SCNN1G: variants seen among roughly 807,000 people sequenced by gnomAD.
SCNN1G encodes the protein sodium channel epithelial 1 subunit gamma, also known as epithelial sodium channel subunit gamma.
A neutral mutation model predicts 64.6 loss-of-function variants in SCNN1G; 27 were observed. That is an observed-to-expected ratio of 0.42 (90% CI 0.31 to 0.58). SCNN1G has a LOEUF of 0.58. Among genes scored for constraint, SCNN1G ranks in the 20% least tolerant of loss-of-function variants. The pLI, the probability that SCNN1G is intolerant of heterozygous loss-of-function variation, is 0.18. For synonymous variants in SCNN1G, 330 were observed against 314.2 expected, an observed-to-expected ratio of 1.05 and a Z score of -0.53; for missense variants, 743 against 823.4, an observed-to-expected ratio of 0.90 and a Z score of 1.19.
intron 6 of SCNN1G, among the ~76,000 whole-genome samples, chr16:23,204,334 TAGAGAG>T (rs755322105): frequency 0.015 from 223 of 15,154 alleles, 4 homozygotes; most frequent in Non-Finnish European, 0.018. Context: ...TATATATATA[TAGAGAG>T]AGAGAGAGAG....
At chr16:23,207,229 C>A (rs1320499712) in intron 6 of SCNN1G, among the ~76,000 whole-genome samples, 1 of 152,204 alleles carries the variant, frequency 6.6e-6, no homozygotes, top group Non-Finnish European at 1.5e-5. Context: ...CCCCTGCTGG[C>A]TGCACTCGGC....
At chr16:23,203,883 G>A (rs914723421) in intron 6 of SCNN1G, among the ~76,000 whole-genome samples, 9 of 151,278 alleles carry the variant, frequency 5.9e-5, no homozygotes, top group Admixed American at 2.6e-4. Context: ...CTGTAAAATA[G>A]GGATGATAAT....
intron 4 of SCNN1G, among the ~76,000 whole-genome samples, chr16:23,192,881 T>C (rs111900505): frequency 0.059 from 8,910 of 151,270 alleles, 347 homozygotes; most frequent in Non-Finnish European, 0.074. Flanking sequence ...CCAGCCTGGC[T>C]AACATAGCGA....
intron 4 of SCNN1G, 135 bp from the exon 5 acceptor site, chr16:23,194,036 G>A (rs1337675002): frequency 7.0e-6 from 5 of 717,024 alleles, no homozygotes; most frequent in Admixed American, 6.0e-5. Flanking sequence ...TTGATCAGGA[G>A]CAAGATGGGG....
chr16:23,192,129 T>A (rs1959718750), intron 3 of SCNN1G, among the ~76,000 whole-genome samples: 1 of 152,086 alleles, frequency 6.6e-6, no homozygotes, highest in Non-Finnish European at 1.5e-5. Context: ...GTTGCAGGAG[T>A]AGGACTCTGT....
chr16:23,204,324 TATATATATATAGAGAG>T (rs1353848768), intron 6 of SCNN1G, among the ~76,000 whole-genome samples: 9 of 67,518 alleles, frequency 1.3e-4, no homozygotes, highest in East Asian at 4.5e-4. Context: ...TATATATATA[TATATATATATAGAGAG>T]AGAGAGAGAG....
chr16:23,187,286 T>C (rs559529551), intron 2 of SCNN1G, among the ~76,000 whole-genome samples: 1 of 151,998 alleles, frequency 6.6e-6, no homozygotes, highest in Non-Finnish European at 1.5e-5. Context: ...AATTTTTTAT[T>C]TTTTAAGAGA....
At chr16:23,196,117 G>A (rs1959790809) in intron 5 of SCNN1G, 1 of 152,288 alleles carries the variant, frequency 6.6e-6, no homozygotes, top group South Asian at 2.1e-4. Flanking sequence ...GGAAGAAAGA[G>A]GCAGAGTAGG....
rs1959565623 is a variant in SCNN1G at position 23,184,073 on chromosome 16, A to G, written c.-45+1260A>G. Reference sequence around the variant, plus strand: ...GTAATTCTTCCACCAAGGGTATCACATTGGCTCAGGCTGCATAATCTAATG... The same window carrying G: ...GTAATTCTTCCACCAAGGGTATCACGTTGGCTCAGGCTGCATAATCTAATG... On this transcript the variant is annotated intron_variant, in intron 1 of 12. Coordinates refer to ENST00000300061, the MANE Select transcript of SCNN1G (RefSeq NM_001039.4). 2.6e-5 allele frequency among the ~76,000 whole-genome samples: 4 copies of G among 152,372 alleles called. No individual in the cohort carries two copies. The South Asian group carries it at 6.2e-4, about 24-fold the overall frequency.
chr16:23,197,366 T>G lies in SCNN1G; in HGVS notation c.1016T>G (p.Phe339Cys), dbSNP rs957875115. The part of the protein sequence containing the change: ...VIIHRQDEYP[F>C]VEDVGTEIET... The stretch of plus-strand genomic sequence containing the variant: ...ATCCATCGGCAGGATGAGTATCCCT[T>G]CGTCGAAGATGTGGGAACAGAGATT... The change falls in exon 6 of 13, where the codon TTC becomes TGC. Residue 339 changes from phenylalanine to cysteine, a missense_variant. Phe to Cys is a radical substitution (Grantham distance 205, BLOSUM62 -2). Coordinates refer to ENST00000300061, the MANE Select transcript of SCNN1G (RefSeq NM_001039.4). 6.2e-7 allele frequency: 1 copy of G among 1,614,112 alleles called. No individual in the cohort carries two copies. The highest frequency in any genetic ancestry group is 8.5e-7 in the Non-Finnish European group (1 of 1,179,948).
chr16:23,190,384 G>A (rs1426960311), intron 3 of SCNN1G, among the ~76,000 whole-genome samples: 1 of 151,190 alleles, frequency 6.6e-6, no homozygotes, highest in Non-Finnish European at 1.5e-5. Flanking sequence ...GGGCAGAGTG[G>A]GGGTAAATGT....
chr16:23,206,622 G>A (rs541992489), intron 6 of SCNN1G, among the ~76,000 whole-genome samples: 2 of 152,142 alleles, frequency 1.3e-5, no homozygotes, highest in Non-Finnish European at 2.9e-5. Flanking sequence ...CTCAGAGAGA[G>A]AGGGTGGTGA....
rs2141946672 is a variant in SCNN1G at position 23,215,287 on chromosome 16, G to A, written c.1768G>A (p.Gly590Ser). 4 of 1,614,142 alleles carry A rather than the reference G, an allele frequency of 2.5e-6. No homozygotes were observed. Among genetic ancestry groups the A allele is most frequent in the East Asian group, 2.2e-5 (1 of 44,888 alleles). ...TCCAGAAGCTCCCCGTAGCCCACAG[G>A]GCCAGGACAATCCAGCCCTGGATAT... ...PCPEAPRSPQ[G>S]QDNPALDIDD... Residue 590 changes from glycine to serine, a missense_variant, in exon 13 of 13, where the codon GGC becomes AGC. Transcript: ENST00000300061.
At chr16:23,202,521 G>A (rs1230545935) in intron 6 of SCNN1G, among the ~76,000 whole-genome samples, 1 of 152,118 alleles carries the variant, frequency 6.6e-6, no homozygotes, top group Non-Finnish European at 1.5e-5. Context: ...CAATTACAGA[G>A]GAGTCACAAA....
At chr16:23,183,333 G>A (rs951040770) in intron 1 of SCNN1G, among the ~76,000 whole-genome samples, 1 of 152,254 alleles carries the variant, frequency 6.6e-6, no homozygotes, top group South Asian at 2.1e-4. Flanking sequence ...GCAGGGCTGC[G>A]GGGTCGCTCG....
intron 6 of SCNN1G, among the ~76,000 whole-genome samples, chr16:23,200,982 G>A (rs1345642277): frequency 6.6e-6 from 1 of 152,200 alleles, no homozygotes; most frequent in East Asian, 1.9e-4. Flanking sequence ...TTACTTAGGG[G>A]CTTTGTTCCA....
intron 3 of SCNN1G, 110 bp from the exon 4 acceptor site, chr16:23,192,242 C>G (rs1168449593): frequency 1.1e-6 from 1 of 905,390 alleles, no homozygotes; most frequent in East Asian, 2.4e-5. Context: ...GATATCCAAC[C>G]TGTTCCCCTG....
At position 23,215,771 on chromosome 16, in the gene SCNN1G, G is replaced by A; in HGVS notation, c.*302G>A. On this transcript the variant is annotated 3_prime_UTR_variant, in exon 13 of 13. Transcript: ENST00000300061. ...GTGGTGCTGGCCCAAGTGAAGGCCAGAGTGAGGACTGATGCAGCTCTTTAC... is the reference window on the plus strand; with the variant it reads ...GTGGTGCTGGCCCAAGTGAAGGCCAAAGTGAGGACTGATGCAGCTCTTTAC... 8.3e-6 allele frequency: 4 copies of A among 484,222 alleles called. No individual in the cohort carries two copies. The highest frequency in any genetic ancestry group is 1.5e-5 in the Non-Finnish European group (4 of 263,984). The allele number at this position is 484,222 out of a possible 1,614,324, so 30.0% of individuals were successfully genotyped here.
At position 23,215,229 on chromosome 16, in the gene SCNN1G, G is replaced by C; in HGVS notation, c.1710G>C (p.Lys570Asn). 6.2e-7 allele frequency: 1 copy of C among 1,614,184 alleles called. No individual in the cohort carries two copies. The highest frequency in any genetic ancestry group is 8.5e-7 in the Non-Finnish European group (1 of 1,180,024). ...IIARRQWQKA[K>N]EWWAWKQAPP... ...CCCGCCGCCAGTGGCAGAAAGCCAA[G>C]GAGTGGTGGGCCTGGAAACAGGCTC... The change falls in exon 13 of 13, where the codon AAG becomes AAC. Residue 570 changes from lysine (K) to asparagine (N), a missense_variant. By Grantham distance (94) the Lys-to-Asn change is moderately conservative. Transcript: ENST00000300061.
Sources: gnomAD v4.1 joint callset for allele counts (sites outside exome capture counted in the v4.1 genomes callset) on GRCh38, gnomAD v4.1.1 for gene constraint, MANE v1.5 for transcripts, NCBI Gene and HGNC (gene_info 2026-07-23, HGNC 2026-07-21) for gene names.